Variants in CPSF7 observed in about 807,000 individuals in gnomAD.
CPSF7 encodes the protein cleavage and polyadenylation specificity factor subunit 7.
In CPSF7, 1 loss-of-function variant was observed where a neutral mutation model predicts 44.3. The ratio of observed to expected loss-of-function variants is 0.02; its 90% CI spans 0.01 to 0.11. The LOEUF (loss-of-function observed/expected upper bound fraction) is 0.11. CPSF7 is among the 10% of genes least tolerant of loss of function. CPSF7 has a pLI of 1.00. For synonymous variants in CPSF7, 202 were observed against 222.0 expected (o/e 0.91, Z 0.80); for missense variants, 443 against 607.2 (o/e 0.73, Z 2.84).
chr11:61,423,618 T>C (rs1256900847), intron 2 of CPSF7, among the ~76,000 whole-genome samples: 1 of 152,234 alleles, frequency 6.6e-6, no homozygotes, highest in Non-Finnish European at 1.5e-5. Context: ...GGCAGTTTCA[T>C]ATTGCTATTC....
At chr11:61,417,011 G>A (rs1199652645) in intron 5 of CPSF7, among the ~76,000 whole-genome samples, 2 of 152,164 alleles carry the variant, frequency 1.3e-5, no homozygotes, top group African/African-American at 2.4e-5. Context: ...GAATTTAAGG[G>A]AAGAGAGGGA....
At chr11:61,427,466 A>G (rs368924983) in intron 2 of CPSF7, 3 of 152,264 alleles carry the variant, frequency 2.0e-5, no homozygotes, top group East Asian at 3.9e-4. Context: ...CAACCTGGCC[A>G]ACATGGTGAA....
chr11:61,418,591 AG>A (rs1860555823), intron 5 of CPSF7, among the ~76,000 whole-genome samples: 1 of 152,224 alleles, frequency 6.6e-6, no homozygotes. Flanking sequence ...TCTTCCTAGT[AG>A]GAGACCCTAA....
chr11:61,421,346 T>TCC, intron 3 of CPSF7, 44 bp downstream of exon 3: 1 of 1,521,100 alleles, frequency 6.6e-7, no homozygotes, highest in South Asian at 1.1e-5. Flanking sequence ...CCCAGTGCTC[T>TCC]CCCTCCAGCC....
chr11:61,415,826 A>T, intron 6 of CPSF7, 42 bp from the exon 7 acceptor site: 1 of 1,369,318 alleles, frequency 7.3e-7, no homozygotes, highest in Non-Finnish European at 1.0e-6. Context: ...CACATCCCTT[A>T]TTATTTTTAC....
intron 9 of CPSF7, among the ~76,000 whole-genome samples, chr11:61,405,004 C>G (rs1030793035): frequency 6.6e-6 from 1 of 152,140 alleles, no homozygotes; most frequent in Non-Finnish European, 1.5e-5. Flanking sequence ...GAAAAGGAGA[C>G]TTTGGCTGCA....
chr11:61,412,037 C>T, intron 7 of CPSF7, 100 bp from the exon 8 acceptor site: 1 of 1,019,972 alleles, frequency 9.8e-7, no homozygotes, highest in Admixed American at 2.1e-5. Flanking sequence ...GAGTAGCTAG[C>T]CGTCCCAAAC....
chr11:61,416,424 C>T lies in CPSF7; in HGVS notation c.619G>A (p.Asp207Asn). ...ENLVPSSARVDKPPSVLPYFN... is the reference protein window; with the variant it reads ...ENLVPSSARVNKPPSVLPYFN... ...TAGGGCAGCACACTGGGGGGCTTAT[C>T]CACACGAGCAGATGAGGGTACAAGG... Residue 207 changes from aspartate to asparagine, a missense_variant, in exon 6 of 10, where the codon GAT becomes AAT. Physicochemically the swap from Asp to Asn is conservative, Grantham distance 23. Coordinates refer to ENST00000439958, the MANE Select transcript of CPSF7 (RefSeq NM_001142565.3). The T allele has an allele frequency of 6.2e-7, 1 of 1,614,002 alleles. No homozygotes were observed. Among genetic ancestry groups the T allele is most frequent in the Non-Finnish European group, 8.5e-7 (1 of 1,179,962 alleles).
intron 3 of CPSF7, 60 bp downstream of exon 3, chr11:61,421,330 T>A (rs771088008): frequency 9.3e-6 from 13 of 1,399,672 alleles, no homozygotes; most frequent in Non-Finnish European, 7.0e-6. Flanking sequence ...GAAAATGCCA[T>A]CACCTCCCAG....
At chr11:61,427,138 C>A (rs61895958) in intron 2 of CPSF7, 11,475 of 150,508 alleles carry the variant, frequency 0.076, 582 homozygotes, top group Non-Finnish European at 0.11. Flanking sequence ...GTGGCTCACA[C>A]CTATAATCCC....
chr11:61,406,632 G>A (rs1327404826), intron 9 of CPSF7, among the ~76,000 whole-genome samples: 7 of 152,178 alleles, frequency 4.6e-5, no homozygotes, highest in African/African-American at 2.4e-5. Flanking sequence ...CTTGTCATGG[G>A]CCTACACAAG....
intron 5 of CPSF7, among the ~76,000 whole-genome samples, chr11:61,416,786 T>C (rs966011571): frequency 3.3e-5 from 5 of 152,204 alleles, no homozygotes; most frequent in African/African-American, 1.2e-4. Context: ...ACAGATTTAA[T>C]TTATCCTTAT....
At chr11:61,407,988 A>G (rs948518232) in intron 9 of CPSF7, among the ~76,000 whole-genome samples, 1 of 151,574 alleles carries the variant, frequency 6.6e-6, no homozygotes, top group East Asian at 1.9e-4. Context: ...AAGAACTACT[A>G]TTCTTTCCCC....
At position 61,421,664 on chromosome 11, in the gene CPSF7, A is replaced by G. The variant is rs551828004; in HGVS notation, c.55-56T>C. The G allele has an allele frequency of 6.9e-5, 84 of 1,219,200 alleles. No homozygotes were observed. In the East Asian group the frequency reaches 1.5e-3, roughly 22 times the overall value. 75.5% of individuals were successfully genotyped at this position (1,219,200 alleles called of 1,614,324 possible). On this transcript the variant is annotated intron_variant, in intron 2 of 9. Transcript: ENST00000439958. Reference sequence around the variant, plus strand: ...CTGCAAACTTCATTTTGTTCATTCTATTTCACTCTAGTTTATTAGAATCCA... The same window carrying G: ...CTGCAAACTTCATTTTGTTCATTCTGTTTCACTCTAGTTTATTAGAATCCA...
chr11:61,423,661 T>G (rs1861103311), intron 2 of CPSF7, among the ~76,000 whole-genome samples: 1 of 152,134 alleles, frequency 6.6e-6, no homozygotes. Context: ...GCACCTAAGT[T>G]GGGAAACTTG....
chr11:61,427,914 C>T (rs986526295), intron 2 of CPSF7, among the ~76,000 whole-genome samples: 4 of 152,092 alleles, frequency 2.6e-5, no homozygotes, highest in Non-Finnish European at 4.4e-5. Context: ...TGGCATGTAT[C>T]CGCCTCTTCT....
intron 7 of CPSF7, among the ~76,000 whole-genome samples, chr11:61,412,764 A>T (rs1426717543): frequency 6.6e-6 from 1 of 152,274 alleles, no homozygotes; most frequent in East Asian, 1.9e-4. Context: ...CACAGTAAGG[A>T]TCAATAAATG....
chr11:61,416,144 G>C lies in CPSF7; in HGVS notation c.899C>G (p.Thr300Ser). The C allele has an allele frequency of 6.6e-7, 1 of 1,510,464 alleles. No homozygotes were observed. Among genetic ancestry groups the C allele is most frequent in the Non-Finnish European group, 8.8e-7 (1 of 1,131,418 alleles). The allele number at this position is 1,510,464 out of a possible 1,614,324, so 93.6% of individuals were successfully genotyped here. A position where few individuals can be genotyped will look rare whatever the true frequency, so the allele number is the denominator to read the frequency against. ...PNATVGPPPD[T>S]YMKASAPYNH... ...ATAGGGGGCAGAGGCCTTCATGTAAGTATCTGGTGGAGGCCCCACTGTAGC... is the reference window on the plus strand; with the variant it reads ...ATAGGGGGCAGAGGCCTTCATGTAACTATCTGGTGGAGGCCCCACTGTAGC... The change falls in exon 6 of 10, where the codon ACT (threonine) becomes AGT (serine). Residue 300 changes from threonine to serine, a missense_variant. By Grantham distance (58) the Thr-to-Ser change is moderately conservative. Coordinates refer to ENST00000439958, the MANE Select transcript of CPSF7 (RefSeq NM_001142565.3).
intron 8 of CPSF7, 82 bp downstream of exon 8, chr11:61,411,687 C>T: frequency 7.5e-7 from 1 of 1,325,122 alleles, no homozygotes; most frequent in Non-Finnish European, 1.0e-6. Context: ...CCCAGATTCC[C>T]TGGGCTCCAT....
Sources: allele counts gnomAD v4.1 joint callset (sites outside exome capture counted in the v4.1 genomes callset), GRCh38; gene constraint gnomAD v4.1.1; transcripts MANE v1.5; gene names NCBI Gene and HGNC (gene_info 2026-07-23, HGNC 2026-07-21).